LRRC37A2: variants seen among roughly 807,000 people sequenced by gnomAD.
LRRC37A2 encodes leucine rich repeat containing 37 member A2, also known as leucine-rich repeat-containing protein 37A2.
In LRRC37A2, 9 loss-of-function variants were observed where a neutral mutation model predicts 68.8. The ratio of observed to expected loss-of-function variants is 0.13; its 90% CI spans 0.08 to 0.23. LRRC37A2 has a LOEUF of 0.23. Ranked by LOEUF, LRRC37A2 falls within the 10% of genes least tolerant of loss-of-function variation. LRRC37A2 has a pLI of 1.00. For synonymous variants in LRRC37A2, 63 were observed against 367.6 expected (o/e 0.17, Z 9.48); for missense variants, 168 against 950.4 (o/e 0.18, Z 10.82).
downstream of LRRC37A2, chr17:46,558,836 C>CT (rs765462293): frequency 0.014 from 974 of 71,742 alleles, 24 homozygotes; most frequent in African/African-American, 0.051. Flanking sequence ...CTCTTTTATT[C>CT]TTTTTTTTTT....
At chr17:46,755,980 T>C in the LRRC37A2 span, 3 of 662,554 alleles carry the variant, frequency 4.5e-6, no homozygotes, top group Middle Eastern at 2.5e-4. Context: ...AAAACTCCCT[T>C]CCTTATGCAT....
chr17:46,872,753 G>A, the LRRC37A2 span: 1 of 1,610,492 alleles, frequency 6.2e-7, no homozygotes, highest in Non-Finnish European at 8.5e-7. Flanking sequence ...CTGGAGGGCA[G>A]GATGGGCCTG....
chr17:46,979,843 A>G, the LRRC37A2 span, among the ~76,000 whole-genome samples: 3 of 148,530 alleles, frequency 2.0e-5, no homozygotes, highest in Non-Finnish European at 4.5e-5. Flanking sequence ...TTTAGAAAAC[A>G]TGAATTACCG....
At chr17:47,018,099 G>T in the LRRC37A2 span, 1 of 1,526,574 alleles carries the variant, frequency 6.6e-7, no homozygotes, top group Non-Finnish European at 9.1e-7. Flanking sequence ...TAAACCTGCA[G>T]ATGTGGAGGT....
the LRRC37A2 span, chr17:46,939,807 G>C: frequency 8.1e-6 from 8 of 988,196 alleles, no homozygotes; most frequent in Non-Finnish European, 9.6e-6. Context: ...GATTCAGGCT[G>C]TACTAATACC....
the LRRC37A2 span, among the ~76,000 whole-genome samples, chr17:46,823,244 C>A: frequency 7.3e-6 from 1 of 136,724 alleles, no homozygotes; most frequent in African/African-American, 2.8e-5. Context: ...GGTGGAATTT[C>A]ATTCTTGTTG....
chr17:46,827,966 C>T, the LRRC37A2 span, among the ~76,000 whole-genome samples: 5 of 151,832 alleles, frequency 3.3e-5, no homozygotes, highest in African/African-American at 9.7e-5. Context: ...CCCACCACCA[C>T]GCCCAGCTGA....
At chr17:46,923,079 T>A in the LRRC37A2 span, 40 of 767,414 alleles carry the variant, frequency 5.2e-5, no homozygotes, top group South Asian at 5.4e-4. Flanking sequence ...CGGGCAGCCC[T>A]GGCCGGCAGG....
the LRRC37A2 span, among the ~76,000 whole-genome samples, chr17:46,816,228 T>C: frequency 2.0e-5 from 3 of 151,230 alleles, no homozygotes; most frequent in East Asian, 5.9e-4. Context: ...GACCTTTACA[T>C]GGGCAAAGAT....
At chr17:46,783,093 G>A in the LRRC37A2 span, among the ~76,000 whole-genome samples, 15 of 152,204 alleles carry the variant, frequency 9.9e-5, no homozygotes, top group Non-Finnish European at 1.6e-4. Context: ...TTCTCTCAAC[G>A]GGGCCCTCTG....
chr17:46,874,943 C>T, the LRRC37A2 span: 1 of 1,153,964 alleles, frequency 8.7e-7, no homozygotes. Context: ...GGAGACCCAC[C>T]CGGAGCTGTG....
chr17:46,957,823 T>C, the LRRC37A2 span, among the ~76,000 whole-genome samples: 1 of 152,064 alleles, frequency 6.6e-6, no homozygotes, highest in African/African-American at 2.4e-5. Flanking sequence ...CATGATACAA[T>C]CAGTGCTAAT....
chr17:46,979,894 T>C, the LRRC37A2 span, among the ~76,000 whole-genome samples: 28 of 152,282 alleles, frequency 1.8e-4, no homozygotes, highest in African/African-American at 6.5e-4. Flanking sequence ...CTAGAGAGTG[T>C]CGATGTTATC....
At chr17:46,787,904 C>T in the LRRC37A2 span, among the ~76,000 whole-genome samples, 90 of 150,062 alleles carry the variant, frequency 6.0e-4, no homozygotes, top group Middle Eastern at 6.9e-3. Flanking sequence ...TTCAGTGAGC[C>T]GAGATTGTGC....
At chr17:46,881,858 T>A in the LRRC37A2 span, among the ~76,000 whole-genome samples, 335 of 152,342 alleles carry the variant, frequency 2.2e-3, 3 homozygotes, top group Non-Finnish European at 2.8e-4. Context: ...TACTTTATCA[T>A]GTATCTCCTA....
At chr17:46,893,720 T>C in the LRRC37A2 span, among the ~76,000 whole-genome samples, 1 of 151,866 alleles carries the variant, frequency 6.6e-6, no homozygotes, top group African/African-American at 2.4e-5. Flanking sequence ...AAAAACAAAC[T>C]GGAAGGCTCT....
the LRRC37A2 span, among the ~76,000 whole-genome samples, chr17:46,752,772 C>CT: frequency 5.3e-5 from 8 of 150,924 alleles, no homozygotes; most frequent in African/African-American, 1.7e-4. Flanking sequence ...AACTTTTTTT[C>CT]TTTTTTTTTC....
chr17:46,938,351 A>G, the LRRC37A2 span, among the ~76,000 whole-genome samples: 3 of 152,218 alleles, frequency 2.0e-5, no homozygotes, highest in Non-Finnish European at 4.4e-5. Context: ...GTGATATTAT[A>G]TAGTCAGTCG....
At chr17:46,458,122 A>G in the LRRC37A2 span, among the ~76,000 whole-genome samples, 3 of 83,076 alleles carry the variant, frequency 3.6e-5, no homozygotes, top group Non-Finnish European at 5.8e-5. Flanking sequence ...TTCAAATGCT[A>G]GGTATACACT....
Sources: allele counts gnomAD v4.1 joint callset (sites outside exome capture counted in the v4.1 genomes callset), GRCh38; gene constraint gnomAD v4.1.1; transcripts MANE v1.5; gene names NCBI Gene and HGNC (gene_info 2026-07-23, HGNC 2026-07-21).